Variants in CDH18 observed in about 807,000 individuals in gnomAD.
CDH18 encodes cadherin-18.
A neutral mutation model predicts 67.9 loss-of-function variants in CDH18; 31 were observed. The observed-to-expected ratio is 0.46, with a 90% confidence interval of 0.34 to 0.62. CDH18 has a LOEUF of 0.62. Among genes scored for constraint, CDH18 ranks in the 20% least tolerant of loss-of-function variants. The probability of loss-of-function intolerance (pLI) is 0.01; values close to 1 mark genes in which losing one functional copy is unlikely to be tolerated. For synonymous variants in CDH18, 362 were observed against 347.2 expected (o/e 1.04, Z -0.48); for missense variants, 890 against 975.5 (o/e 0.91, Z 1.17).
chr5:20,418,226 C>T (rs1747495514), intron 1 of CDH18, among the ~76,000 whole-genome samples: 1 of 126,824 alleles, frequency 7.9e-6, no homozygotes. Context: ...CAGGTGTCTG[C>T]CACCACTGCT....
At chr5:19,914,523 T>C (rs555290490) in intron 2 of CDH18, among the ~76,000 whole-genome samples, 92 of 152,282 alleles carry the variant, frequency 6.0e-4, no homozygotes, top group Admixed American at 1.8e-3. Context: ...TACATACTTA[T>C]ATTGTACATA....
chr5:20,110,296 A>G (rs1161582181), intron 2 of CDH18, among the ~76,000 whole-genome samples: 1 of 152,234 alleles, frequency 6.6e-6, no homozygotes, highest in Non-Finnish European at 1.5e-5. Context: ...GCTTCCACTT[A>G]GCAAAATCTA....
intron 1 of CDH18, among the ~76,000 whole-genome samples, chr5:20,309,978 TA>T (rs143709495): frequency 0.062 from 9,449 of 152,160 alleles, 416 homozygotes; most frequent in South Asian, 0.15. Context: ...ATTAAACACA[TA>T]AAAAAATCTC....
At chr5:19,613,174 TC>T in intron 5 of CDH18, among the ~76,000 whole-genome samples, 1 of 151,948 alleles carries the variant, frequency 6.6e-6, no homozygotes, top group Non-Finnish European at 1.5e-5. Context: ...AAGTACATGG[TC>T]CCTCAAGGGT....
chr5:20,063,693 T>C (rs990530198), intron 2 of CDH18, among the ~76,000 whole-genome samples: 3 of 152,198 alleles, frequency 2.0e-5, no homozygotes, highest in African/African-American at 7.2e-5. Flanking sequence ...TACCAGGCAC[T>C]GTCTTGAGGC....
chr5:20,179,680 A>C (rs1180979491), intron 2 of CDH18, among the ~76,000 whole-genome samples: 1 of 152,152 alleles, frequency 6.6e-6, no homozygotes, highest in Non-Finnish European at 1.5e-5. Context: ...GAGTCAAGCA[A>C]AGCCACACCA....
intron 2 of CDH18, among the ~76,000 whole-genome samples, chr5:20,130,706 A>G (rs1749199193): frequency 6.6e-6 from 1 of 152,056 alleles, no homozygotes; most frequent in Non-Finnish European, 1.5e-5. Flanking sequence ...GTTAACCTCA[A>G]GAAATCTGTA....
rs1747399135 is a variant in CDH18, at chr5:20,295,287, T to C, written c.-579-39782A>G. Among the ~76,000 whole-genome samples the C allele has an allele frequency of 2.0e-5, 3 of 152,236 alleles. No homozygotes were observed. In the South Asian group the frequency reaches 6.2e-4, roughly 32 times the overall value. ...CCTTCACATCTCTGGGAGCCAGCTA[T>C]AATACTGCCTTAGATAATCATGGCA... On this transcript the variant is annotated intron_variant, in intron 1 of 14. Coordinates refer to the CDH18 transcript ENST00000507958.
intron 2 of CDH18, among the ~76,000 whole-genome samples, chr5:20,032,713 A>C (rs1368087845): frequency 6.6e-6 from 1 of 152,058 alleles, no homozygotes; most frequent in Non-Finnish European, 1.5e-5. Flanking sequence ...ATCTAGTTTG[A>C]CATAGAATAT....
intron 2 of CDH18, among the ~76,000 whole-genome samples, chr5:20,140,749 T>C (rs1194107180): frequency 6.6e-6 from 1 of 152,152 alleles, no homozygotes; most frequent in Non-Finnish European, 1.5e-5. Flanking sequence ...AGGATGGAAC[T>C]GATGCGTTTT....
intron 1 of CDH18, among the ~76,000 whole-genome samples, chr5:20,477,345 A>C (rs1752508901): frequency 6.6e-6 from 1 of 152,286 alleles, no homozygotes; most frequent in South Asian, 2.1e-4. Flanking sequence ...GTAGGCAATA[A>C]CAGTACCTGG....
At chr5:19,702,494 G>A (rs1345396571) in intron 5 of CDH18, among the ~76,000 whole-genome samples, 1 of 151,652 alleles carries the variant, frequency 6.6e-6, no homozygotes, top group Admixed American at 6.6e-5. Flanking sequence ...AGCCGGGCGT[G>A]GTGGCTCACA....
At chr5:20,114,986 G>T (rs1445256497) in intron 2 of CDH18, among the ~76,000 whole-genome samples, 1 of 152,166 alleles carries the variant, frequency 6.6e-6, no homozygotes, top group Non-Finnish European at 1.5e-5. Context: ...TCTAAGGAAT[G>T]AAAGGAAATG....
At chr5:19,696,535 TA>T (rs1036674448) in intron 5 of CDH18, among the ~76,000 whole-genome samples, 391 of 139,512 alleles carry the variant, frequency 2.8e-3, no homozygotes, top group Non-Finnish European at 2.6e-3. Context: ...GACTCCATCT[TA>T]AAAAAAAAAA....
chr5:19,853,582 G>A (rs1285272876), intron 2 of CDH18, among the ~76,000 whole-genome samples: 2 of 152,152 alleles, frequency 1.3e-5, no homozygotes, highest in Non-Finnish European at 2.9e-5. Flanking sequence ...CACTGAAAGG[G>A]ACTTCAGAAG....
intron 1 of CDH18, among the ~76,000 whole-genome samples, chr5:20,332,451 T>G (rs533969851): frequency 9.8e-5 from 15 of 152,324 alleles, no homozygotes; most frequent in African/African-American, 3.1e-4. Flanking sequence ...GGTGAACGCT[T>G]AAGTCTGGGC....
chr5:19,715,111 A>G (rs1390334545), intron 5 of CDH18, among the ~76,000 whole-genome samples: 1 of 152,156 alleles, frequency 6.6e-6, no homozygotes, highest in African/African-American at 2.4e-5. Context: ...TAAAATCTAT[A>G]GGACTTCCAA....
chr5:19,631,185 G>T (rs1338825485), intron 5 of CDH18, among the ~76,000 whole-genome samples: 2 of 151,902 alleles, frequency 1.3e-5, no homozygotes, highest in African/African-American at 4.8e-5. Context: ...TAAAGAGAGA[G>T]CACCACATTT....
chr5:19,505,925 T>C (rs545692351), intron 10 of CDH18, among the ~76,000 whole-genome samples: 3 of 152,150 alleles, frequency 2.0e-5, no homozygotes, highest in African/African-American at 7.2e-5. Context: ...CTGGTAGAAT[T>C]TGGCTGTGAA....
Sources: allele counts gnomAD v4.1 joint callset (sites outside exome capture counted in the v4.1 genomes callset), GRCh38; gene constraint gnomAD v4.1.1; transcripts MANE v1.5; gene names NCBI Gene and HGNC (gene_info 2026-07-23, HGNC 2026-07-21).